Variants in CACNA2D3 observed in about 807,000 individuals in gnomAD.
CACNA2D3 encodes the protein calcium voltage-gated channel auxiliary subunit alpha2delta 3, also known as voltage-dependent calcium channel subunit alpha-2/delta-3.
Under a neutral mutation model 160.6 loss-of-function variants are expected in CACNA2D3, and 60 were observed. That is an observed-to-expected ratio of 0.37 (90% CI 0.30 to 0.46). The LOEUF is 0.46. Ranked by LOEUF, CACNA2D3 falls within the 20% of genes least tolerant of loss-of-function variation. CACNA2D3 has a pLI of 1.00. For missense variants in CACNA2D3, 1,205 were observed against 1,365.0 expected (o/e 0.88, Z 1.85); for synonymous variants, 558 against 492.9 (o/e 1.13, Z -1.75).
At chr3:54,451,855 C>T (rs1700313631) in intron 4 of CACNA2D3, among the ~76,000 whole-genome samples, 1 of 152,130 alleles carries the variant, frequency 6.6e-6, no homozygotes. Flanking sequence ...ATAACTCAGC[C>T]AAGTTTTCTA....
chr3:54,864,277 CTT>C (rs111622287), intron 17 of CACNA2D3, among the ~76,000 whole-genome samples: 3 of 144,082 alleles, frequency 2.1e-5, no homozygotes, highest in Non-Finnish European at 1.5e-5. Flanking sequence ...TGTAGGTGTT[CTT>C]TTTTTTTTTT....
chr3:55,028,760 GT>G (rs1161947854), intron 35 of CACNA2D3, among the ~76,000 whole-genome samples: 1 of 151,990 alleles, frequency 6.6e-6, no homozygotes, highest in East Asian at 1.9e-4. Context: ...TTTTGTTTTT[GT>G]TTTTTAGTGT....
chr3:54,570,366 A>G (rs572350651), intron 8 of CACNA2D3, among the ~76,000 whole-genome samples: 1 of 152,246 alleles, frequency 6.6e-6, no homozygotes, highest in Admixed American at 6.5e-5. Flanking sequence ...GACACACCAG[A>G]TGTGGTATTC....
chr3:54,471,352 A>T (rs527716966), intron 4 of CACNA2D3, among the ~76,000 whole-genome samples: 1 of 152,320 alleles, frequency 6.6e-6, no homozygotes, highest in East Asian at 1.9e-4. Flanking sequence ...TTTGAAACCA[A>T]TAAGAACAAA....
chr3:54,777,259 C>T (rs1407051647), intron 13 of CACNA2D3, among the ~76,000 whole-genome samples: 1 of 152,206 alleles, frequency 6.6e-6, no homozygotes, highest in African/African-American at 2.4e-5. Context: ...GGCCTCTTAG[C>T]CTGCTTCTAT....
At chr3:54,403,393 A>ACG (rs1699509457) in intron 4 of CACNA2D3, among the ~76,000 whole-genome samples, 1 of 146,322 alleles carries the variant, frequency 6.8e-6, no homozygotes. Flanking sequence ...ACACACACAC[A>ACG]CACACGCACA....
chr3:54,817,580 A>G (rs778778632), intron 14 of CACNA2D3, among the ~76,000 whole-genome samples: 4 of 152,232 alleles, frequency 2.6e-5, no homozygotes, highest in Non-Finnish European at 4.4e-5. Context: ...TGTTTCACAA[A>G]TTCTGGAAGA....
intron 27 of CACNA2D3, among the ~76,000 whole-genome samples, chr3:54,964,163 A>ACATGG (rs1471911289): frequency 6.6e-6 from 1 of 152,154 alleles, no homozygotes; most frequent in East Asian, 1.9e-4. Context: ...CCATATTGGC[A>ACATGG]CATGGGGAAG....
At chr3:54,660,670 C>A (rs1192010169) in intron 11 of CACNA2D3, among the ~76,000 whole-genome samples, 2 of 152,142 alleles carry the variant, frequency 1.3e-5, no homozygotes, top group African/African-American at 4.8e-5. Flanking sequence ...TTACCTTAAT[C>A]ATTTCCATAA....
chr3:54,253,887 C>A (rs915411530), intron 2 of CACNA2D3, among the ~76,000 whole-genome samples: 1 of 152,078 alleles, frequency 6.6e-6, no homozygotes, highest in Non-Finnish European at 1.5e-5. Flanking sequence ...CCTGCCTCAG[C>A]CTCCCGAGTA....
At chr3:54,165,471 T>C (rs116406427) in intron 2 of CACNA2D3, among the ~76,000 whole-genome samples, 2 of 152,186 alleles carry the variant, frequency 1.3e-5, no homozygotes, top group Non-Finnish European at 2.9e-5. Context: ...ACAGCTTCAC[T>C]TCCTCTGAAT....
At chr3:54,485,712 C>T (rs1267786038) in intron 4 of CACNA2D3, among the ~76,000 whole-genome samples, 1 of 152,036 alleles carries the variant, frequency 6.6e-6, no homozygotes, top group Non-Finnish European at 1.5e-5. Flanking sequence ...TACAGACGTG[C>T]AACAGCACGC....
chr3:54,465,300 C>A (rs945032242), intron 4 of CACNA2D3, among the ~76,000 whole-genome samples: 4 of 151,880 alleles, frequency 2.6e-5, no homozygotes, highest in African/African-American at 9.7e-5. Flanking sequence ...CACTGAGTTT[C>A]CTTAAGATCA....
At chr3:54,339,906 A>G (rs1424078165) in intron 3 of CACNA2D3, among the ~76,000 whole-genome samples, 4 of 152,196 alleles carry the variant, frequency 2.6e-5, no homozygotes, top group Non-Finnish European at 5.9e-5. Context: ...GTGACTTTAA[A>G]GAGTAAATAT....
intron 35 of CACNA2D3, among the ~76,000 whole-genome samples, chr3:55,063,957 A>C (rs1685985750): frequency 6.6e-6 from 1 of 152,242 alleles, no homozygotes; most frequent in South Asian, 2.1e-4. Context: ...AAAGGTACTA[A>C]AAGGTAAAAC....
At chr3:54,179,840 T>A (rs936299169) in intron 2 of CACNA2D3, among the ~76,000 whole-genome samples, 1 of 152,180 alleles carries the variant, frequency 6.6e-6, no homozygotes, top group African/African-American at 2.4e-5. Flanking sequence ...GATCTTGGGC[T>A]TTGAGCCTCC....
chr3:54,905,319 C>T (rs1006705833), intron 27 of CACNA2D3, among the ~76,000 whole-genome samples: 1 of 152,166 alleles, frequency 6.6e-6, no homozygotes, highest in African/African-American at 2.4e-5. Flanking sequence ...TGATTAACAT[C>T]AGTGATCATT....
At chr3:54,260,220 G>C (rs531160575) in intron 2 of CACNA2D3, among the ~76,000 whole-genome samples, 1 of 152,122 alleles carries the variant, frequency 6.6e-6, no homozygotes, top group Non-Finnish European at 1.5e-5. Context: ...TAGACCCCTA[G>C]AATTGACTGC....
intron 3 of CACNA2D3, among the ~76,000 whole-genome samples, chr3:54,372,052 C>T (rs865999238): frequency 9.2e-5 from 14 of 152,130 alleles, no homozygotes; most frequent in African/African-American, 3.1e-4. Context: ...ATAATCCTGA[C>T]CTAGGGTAGC....
Sources: allele counts gnomAD v4.1 joint callset (sites outside exome capture counted in the v4.1 genomes callset), GRCh38; gene constraint gnomAD v4.1.1; transcripts MANE v1.5; gene names NCBI Gene and HGNC (gene_info 2026-07-23, HGNC 2026-07-21).